The following RPS6KA2 variants were observed in gnomAD, a reference collection of about 807,000 sequenced individuals.
The protein encoded by RPS6KA2 is ribosomal protein S6 kinase alpha-2.
A neutral mutation model predicts 91.8 loss-of-function variants in RPS6KA2; 42 were observed. That is an observed-to-expected ratio of 0.46 (90% CI 0.36 to 0.59). The LOEUF (loss-of-function observed/expected upper bound fraction) is 0.59. Ranked by LOEUF, RPS6KA2 falls within the 20% of genes least tolerant of loss-of-function variation. The probability of loss-of-function intolerance (pLI) is 0.00; values close to 1 mark genes in which losing one functional copy is unlikely to be tolerated. For synonymous variants in RPS6KA2, 414 were observed against 393.6 expected (o/e 1.05, Z -0.61); for missense variants, 798 against 978.5 (o/e 0.82, Z 2.46).
chr6:166,805,033 T>C (rs888326727), intron 2 of RPS6KA2, among the ~76,000 whole-genome samples: 21 of 152,340 alleles, frequency 1.4e-4, no homozygotes, highest in South Asian at 6.2e-4. Context: ...AGCAAATGCA[T>C]ATGAATCCAT....
chr6:166,586,732 G>A (rs972642905), intron 1 of RPS6KA2, among the ~76,000 whole-genome samples: 1 of 152,114 alleles, frequency 6.6e-6, no homozygotes, highest in African/African-American at 2.4e-5. Flanking sequence ...TACCAGAGGA[G>A]GAAAGAAAAA....
rs1562475002 is a variant in RPS6KA2 at position 166,859,016 on chromosome 6, CGG to C, written c.64-759_64-758del. Among the ~76,000 whole-genome samples, 110 of 79,690 alleles carry C rather than the reference CGG, an allele frequency of 1.4e-3. 4 individuals are homozygous for C. The highest frequency in any genetic ancestry group is 2.9e-3 in the African/African-American group (100 of 34,770). 52.3% of individuals were successfully genotyped at this position (79,690 alleles called of 152,430 possible). A position where few individuals can be genotyped will look rare whatever the true frequency, so the allele number is the denominator to read the frequency against. On this transcript the variant is annotated intron_variant, in intron 1 of 21. Transcript: ENST00000503859. Reference sequence around the variant, plus strand: ...AGCACCGGCTGCCATGCAGCAGACACGGGAGAGCTCCACGGAAGAACACCAGC... The same window carrying C: ...AGCACCGGCTGCCATGCAGCAGACACGAGAGCTCCACGGAAGAACACCAGC...
intron 2 of RPS6KA2, among the ~76,000 whole-genome samples, chr6:166,813,288 C>G (rs558987136): frequency 1.1e-4 from 17 of 152,214 alleles, no homozygotes; most frequent in Non-Finnish European, 2.4e-4. Flanking sequence ...GAGCCGCCCA[C>G]TGCTTCTGAC....
At chr6:166,710,828 C>T (rs1789825193) in intron 2 of RPS6KA2, among the ~76,000 whole-genome samples, 1 of 152,066 alleles carries the variant, frequency 6.6e-6, no homozygotes, top group African/African-American at 2.4e-5. Flanking sequence ...GTGTACTAGA[C>T]CTGAAGCCAA....
chr6:166,788,159 TG>T (rs765008842), intron 2 of RPS6KA2, among the ~76,000 whole-genome samples: 12 of 152,246 alleles, frequency 7.9e-5, no homozygotes, highest in Non-Finnish European at 1.5e-4. Flanking sequence ...CTAGTCAGAA[TG>T]GCAATCATTA....
At chr6:166,546,457 T>C (rs1783830936) in intron 1 of RPS6KA2, among the ~76,000 whole-genome samples, 1 of 151,388 alleles carries the variant, frequency 6.6e-6, no homozygotes, top group African/African-American at 2.4e-5. Context: ...TTATTTATGC[T>C]AGTGTGTCAC....
chr6:166,539,822 C>T (rs533263981), intron 1 of RPS6KA2, among the ~76,000 whole-genome samples: 45 of 152,222 alleles, frequency 3.0e-4, no homozygotes, highest in Non-Finnish European at 5.9e-4. Context: ...GACATTCGAG[C>T]CCAACTGTTC....
intron 10 of RPS6KA2, among the ~76,000 whole-genome samples, chr6:166,476,466 C>T (rs562604564): frequency 5.3e-5 from 8 of 152,312 alleles, no homozygotes; most frequent in African/African-American, 1.2e-4. Flanking sequence ...CCGTGTTTCT[C>T]GCTACACTGT....
intron 1 of RPS6KA2, among the ~76,000 whole-genome samples, chr6:166,558,438 A>C (rs9355584): frequency 0.41 from 62,107 of 151,932 alleles, 15,189 homozygotes; most frequent in African/African-American, 0.69. Flanking sequence ...AGATGTTAAA[A>C]CCATCCACAA....
At chr6:166,587,610 G>T (rs957202219) in intron 1 of RPS6KA2, among the ~76,000 whole-genome samples, 2 of 146,380 alleles carry the variant, frequency 1.4e-5, no homozygotes, top group African/African-American at 5.2e-5. Flanking sequence ...GAACGAGTCT[G>T]CCCTTTTTGA....
At chr6:166,543,758 G>A (rs1783733632) in intron 1 of RPS6KA2, among the ~76,000 whole-genome samples, 2 of 152,224 alleles carry the variant, frequency 1.3e-5, no homozygotes, top group Admixed American at 1.3e-4. Flanking sequence ...TCTCCAGCAG[G>A]GGCTGCTCCC....
intron 2 of RPS6KA2, among the ~76,000 whole-genome samples, chr6:166,715,738 C>G (rs1373063947): frequency 6.6e-6 from 1 of 152,074 alleles, no homozygotes. Context: ...GGTCGTGTAT[C>G]CAAACATAGA....
intron 11 of RPS6KA2, among the ~76,000 whole-genome samples, chr6:166,464,067 C>T (rs1201687210): frequency 6.6e-6 from 1 of 152,234 alleles, no homozygotes; most frequent in Non-Finnish European, 1.5e-5. Context: ...ATGGGAGCAA[C>T]AGCTGCATGG....
chr6:166,450,093 A>C, intron 13 of RPS6KA2, among the ~76,000 whole-genome samples: 1 of 149,564 alleles, frequency 6.7e-6, no homozygotes, highest in Admixed American at 6.6e-5. Flanking sequence ...CCACCGGGGA[A>C]CCACCATGGG....
At position 166,613,906 on chromosome 6, in the gene RPS6KA2, C is replaced by T. The variant is rs550183479; in HGVS notation, c.99+13015G>A. Among the ~76,000 whole-genome samples the T allele has an allele frequency of 2.6e-3, 400 of 152,260 alleles. 3 individuals carry two copies. Among genetic ancestry groups the T allele is most frequent in the African/African-American group, 9.3e-3 (387 of 41,522 alleles). On this transcript the variant is annotated intron_variant, in intron 1 of 20. Transcript: ENST00000265678. The stretch of plus-strand genomic sequence containing the variant: ...ACACAGTCGGGCTTTCCATGGCCTT[C>T]AGGACACAGATTCCTCCCCAAGGCC...
intron 16 of RPS6KA2, among the ~76,000 whole-genome samples, chr6:166,429,431 TATAATA>T (rs914085403): frequency 1.5e-4 from 23 of 151,832 alleles, no homozygotes; most frequent in African/African-American, 5.1e-4. Flanking sequence ...AAACTTAAAG[TATAATA>T]ATAATAAAAT....
intron 1 of RPS6KA2, among the ~76,000 whole-genome samples, chr6:166,614,910 A>T (rs1370753747): frequency 6.6e-6 from 1 of 152,076 alleles, no homozygotes; most frequent in Non-Finnish European, 1.5e-5. Flanking sequence ...CCTTAACTTG[A>T]TCGCACCTAC....
intron 2 of RPS6KA2, among the ~76,000 whole-genome samples, chr6:166,778,856 A>G (rs1024792178): frequency 6.6e-6 from 1 of 152,242 alleles, no homozygotes; most frequent in African/African-American, 2.4e-5. Context: ...TACAAACAGC[A>G]CCGTAAGCGC....
intron 2 of RPS6KA2, among the ~76,000 whole-genome samples, chr6:166,805,187 C>T (rs1361261421): frequency 6.6e-6 from 1 of 152,182 alleles, no homozygotes; most frequent in African/African-American, 2.4e-5. Context: ...TAACAGTTGC[C>T]TGCTCTCCAC....
Sources: gnomAD v4.1 joint callset for allele counts (sites outside exome capture counted in the v4.1 genomes callset) on GRCh38, gnomAD v4.1.1 for gene constraint, MANE v1.5 for transcripts, NCBI Gene and HGNC (gene_info 2026-07-23, HGNC 2026-07-21) for gene names.